UBE3B: variants seen among roughly 807,000 people sequenced by gnomAD.
The protein encoded by UBE3B is ubiquitin-protein ligase E3B.
Under a neutral mutation model 132.3 loss-of-function variants are expected in UBE3B, and 80 were observed. The observed-to-expected ratio is 0.60, with a 90% CI of 0.50 to 0.73. The LOEUF (loss-of-function observed/expected upper bound fraction) is 0.73. Ranked by LOEUF, UBE3B falls within the 30% of genes least tolerant of loss-of-function variation. The pLI is 0.00. For missense variants in UBE3B, 1,196 were observed against 1,362.5 expected (o/e 0.88, Z 1.92); for synonymous variants, 487 against 520.4 (o/e 0.94, Z 0.87).
rs188880545 is a variant in UBE3B, at chr12:109,524,378, A to G, written c.2503-60A>G. 16 of 1,598,164 alleles carry G rather than the reference A, an allele frequency of 1.0e-5. No individual in the cohort carries two copies. In the Admixed American group the frequency reaches 2.7e-4, roughly 27 times the overall value. On this transcript the variant is annotated intron_variant, in intron 22 of 27. Coordinates refer to ENST00000342494, the MANE Select transcript of UBE3B (RefSeq NM_130466.4). ...AAAGCAGCGCCTCAAGGGAGGGTTA[A>G]ACCTCTTAAGCACATAGTGCTCCAT...
intron 16 of UBE3B, among the ~76,000 whole-genome samples, chr12:109,509,961 T>A (rs1880151356): frequency 1.3e-5 from 2 of 152,234 alleles, no homozygotes; most frequent in Non-Finnish European, 2.9e-5. Context: ...GGATTATTAA[T>A]GATGATTAAT....
In UBE3B at chr12:109,521,017, A is replaced by G. The variant is rs1881643492; in HGVS notation, c.2077-131A>G. The G allele has an allele frequency of 2.0e-6, 2 of 996,600 alleles. No homozygotes were observed. The highest frequency in any genetic ancestry group is 1.7e-5 in the South Asian group (1 of 59,616). 61.7% of individuals were successfully genotyped at this position (996,600 alleles called of 1,614,324 possible). A position where few individuals can be genotyped will look rare whatever the true frequency, so the allele number is the denominator to read the frequency against. On this transcript the variant is annotated intron_variant, in intron 19 of 27. Coordinates refer to ENST00000342494, the MANE Select transcript of UBE3B (RefSeq NM_130466.4). This position sits in a 1 kb window ranked among gnomAD's most constrained non-coding sequence, Gnocchi z 4.2. The stretch of plus-strand genomic sequence containing the variant: ...AAAGCAGGTGAGAACGGCTCCTGTC[A>G]TGCATCCACGTTTCATAATTTGCAC...
intron 6 of UBE3B, 140 bp downstream of exon 6, chr12:109,486,715 A>G (rs527458018): frequency 1.4e-6 from 1 of 718,974 alleles, no homozygotes; most frequent in East Asian, 2.7e-5. Flanking sequence ...GAAGAGAGGA[A>G]TTTTGATTCT....
At position 109,486,569 on chromosome 12, in the gene UBE3B, G is replaced by A. The variant is rs150249985; in HGVS notation, c.441G>A (p.Gln147=). 22 of 899,128 alleles carry A rather than the reference G, an allele frequency of 2.4e-5. No individual in the cohort carries two copies. In the African/African-American group the frequency reaches 2.9e-4, roughly 12 times the overall value. The allele number at this position is 899,128 out of a possible 1,614,324, so 55.7% of individuals were successfully genotyped here. A position where few individuals can be genotyped will look rare whatever the true frequency, so the allele number is the denominator to read the frequency against. ...ILWYCCDFLK[Q]LKPEILQDSR... ...GGTACTGCTGTGATTTTCTCAAGCA[G>A]CTCAAGGTAACAAAAAAAAAAAAAA... is the stretch of plus-strand genomic sequence containing the variant. The change falls in exon 6 of 28, where the codon CAG becomes CAA. Residue 147 remains glutamine (Q), a synonymous_variant. Transcript: ENST00000342494.
rs61744923 is a variant in UBE3B at position 109,530,644 on chromosome 12, G to T, written c.2908G>T (p.Ala970Ser). ...LASDFTPDER[A>S]MFLKFVTSCS... ...CTCCGACTTCACACCGGATGAGAGA[G>T]CTATGTTTCTGAAGGTATTTTATTT... The change falls in exon 26 of 28, where the codon GCT (alanine) becomes TCT (serine). Residue 970 changes from alanine (A) to serine (S), a missense_variant. By Grantham distance (99) the Ala-to-Ser change is moderately conservative (BLOSUM62 1). Coordinates refer to ENST00000342494, the MANE Select transcript of UBE3B (RefSeq NM_130466.4). 4.8e-4 allele frequency: 782 copies of T among 1,614,034 alleles called. 4 individuals are homozygous for T. The highest frequency in any genetic ancestry group is 1.0e-4 in the Non-Finnish European group (119 of 1,180,008).
chr12:109,490,901 C>A, intron 8 of UBE3B, 144 bp from the exon 9 acceptor site: 1 of 1,072,454 alleles, frequency 9.3e-7, no homozygotes. Context: ...GCCTCCTGAG[C>A]TGGGACTGTA....
In UBE3B at chr12:109,510,406, T is replaced by C; in HGVS notation, c.1804T>C (p.Tyr602His). The C allele has an allele frequency of 6.2e-7, 1 of 1,613,234 alleles. No individual in the cohort carries two copies. Among genetic ancestry groups the C allele is most frequent in the Non-Finnish European group, 8.5e-7 (1 of 1,179,700 alleles). Reference protein sequence around the residue: ...QSVHGWLMVLYERDCRRRFTP... With the variant: ...QSVHGWLMVLHERDCRRRFTP... Reference sequence around the variant, plus strand: ...TGTCCACGGGTGGCTTATGGTGCTGTACGAGCGGGACTGCCGGCGGCGCTT... The same window carrying C: ...TGTCCACGGGTGGCTTATGGTGCTGCACGAGCGGGACTGCCGGCGGCGCTT... The change falls in exon 17 of 28, where the codon TAC (tyrosine) becomes CAC (histidine). Residue 602 changes from tyrosine (Y) to histidine (H), a missense_variant. By Grantham distance (83) the Tyr-to-His change is moderately conservative. Coordinates refer to ENST00000342494, the MANE Select transcript of UBE3B (RefSeq NM_130466.4).
Position 109,521,719 on chromosome 12 carries a change from G to C in UBE3B, c.2364+168G>C, listed in dbSNP as rs1881743096. On this transcript the variant is annotated intron_variant, in intron 21 of 27. Coordinates refer to ENST00000342494, the MANE Select transcript of UBE3B (RefSeq NM_130466.4). This position sits in a 1 kb window ranked among gnomAD's most constrained non-coding sequence, Gnocchi z 4.2. ...GTTGTACACCAGTGCTAGGTACTTTGCCTGTGGCATCTCATCTCATCCCAT... is the reference window on the plus strand; with the variant it reads ...GTTGTACACCAGTGCTAGGTACTTTCCCTGTGGCATCTCATCTCATCCCAT... 6.6e-6 allele frequency among the ~76,000 whole-genome samples: 1 copy of C among 152,226 alleles called. No homozygotes were observed. Among genetic ancestry groups the C allele is most frequent in the Non-Finnish European group, 1.5e-5 (1 of 68,042 alleles).
intron 18 of UBE3B, 125 bp downstream of exon 18, chr12:109,511,428 C>T (rs1880359623): frequency 1.1e-5 from 9 of 840,996 alleles, no homozygotes; most frequent in East Asian, 5.4e-5. Context: ...CACAAGGAAA[C>T]GGTGGTTGCT....
chr12:109,503,996 G>A (rs1879332150), intron 14 of UBE3B, among the ~76,000 whole-genome samples: 1 of 152,224 alleles, frequency 6.6e-6, no homozygotes, highest in African/African-American at 2.4e-5. Context: ...GTGAAAGAGA[G>A]AGCCAAGTTC....
In UBE3B at chr12:109,497,812, G is replaced by A. The variant is rs760370471; in HGVS notation, c.714-6G>A. 6.2e-7 allele frequency: 1 copy of A among 1,614,106 alleles called. No individual in the cohort carries two copies. The highest frequency in any genetic ancestry group is 1.7e-5 in the Admixed American group (1 of 60,020). ...TGTCTGAATGAGTGGATCTATCTGT[G>A]TCTAGCCCTGTGATTGCTGCACAGT... On this transcript the variant is annotated splice_polypyrimidine_tract_variant and splice_region_variant and intron_variant, in intron 9 of 27. Coordinates refer to ENST00000342494, the MANE Select transcript of UBE3B (RefSeq NM_130466.4).
intron 18 of UBE3B, among the ~76,000 whole-genome samples, chr12:109,515,602 C>G (rs1357353541): frequency 6.6e-6 from 1 of 152,132 alleles, no homozygotes; most frequent in Non-Finnish European, 1.5e-5. Context: ...CTCCCGACCT[C>G]AGGTGATCCA....
chr12:109,521,414 G>A lies in UBE3B; in HGVS notation c.2254-27G>A. ...GCTCCTTGCAAGGCACTTGACCTCTGCCTCTCCCCGTCTTTTTGCCTTGCA... is the reference window on the plus strand; with the variant it reads ...GCTCCTTGCAAGGCACTTGACCTCTACCTCTCCCCGTCTTTTTGCCTTGCA... On this transcript the variant is annotated intron_variant, in intron 20 of 27. Transcript: ENST00000342494. The surrounding 1 kb of genome is among the most constrained non-coding windows in gnomAD (Gnocchi z 4.2). 6.3e-7 allele frequency: 1 copy of A among 1,583,470 alleles called. No homozygotes were observed. The highest frequency in any genetic ancestry group is 8.6e-7 in the Non-Finnish European group (1 of 1,158,858).
intron 14 of UBE3B, among the ~76,000 whole-genome samples, chr12:109,504,773 T>C (rs562074019): frequency 1.3e-5 from 2 of 149,886 alleles, no homozygotes; most frequent in East Asian, 3.9e-4. Flanking sequence ...GCATCTTGAG[T>C]GAGAGGAGTT....
intron 14 of UBE3B, among the ~76,000 whole-genome samples, chr12:109,504,264 C>G (rs1879366058): frequency 6.6e-6 from 1 of 152,212 alleles, no homozygotes; most frequent in African/African-American, 2.4e-5. Flanking sequence ...TAGCACCTTC[C>G]CAACCAGCGT....
chr12:109,540,777 G>A (rs1447251808), downstream of UBE3B, among the ~76,000 whole-genome samples: 4 of 152,202 alleles, frequency 2.6e-5, no homozygotes, highest in African/African-American at 4.8e-5. Context: ...GCCTTATGCT[G>A]GGGAGGGACA....
At chr12:109,504,892 G>C (rs905632997) in intron 14 of UBE3B, among the ~76,000 whole-genome samples, 1 of 150,858 alleles carries the variant, frequency 6.6e-6, no homozygotes, top group South Asian at 2.1e-4. Flanking sequence ...TGCAGGCTCC[G>C]CCTCCCAGGT....
intron 7 of UBE3B, 122 bp downstream of exon 7, chr12:109,488,790 A>T: frequency 1.2e-6 from 1 of 823,248 alleles, no homozygotes; most frequent in Non-Finnish European, 2.1e-6. Flanking sequence ...GAGACCATAC[A>T]AATGAGGATG....
intron 14 of UBE3B, among the ~76,000 whole-genome samples, chr12:109,505,473 C>A (rs939867005): frequency 6.6e-6 from 1 of 152,150 alleles, no homozygotes; most frequent in African/African-American, 2.4e-5. Context: ...TTCTTTTATC[C>A]CATAGGAGTA....
Sources: allele counts gnomAD v4.1 joint callset (sites outside exome capture counted in the v4.1 genomes callset), GRCh38; gene constraint gnomAD v4.1.1; non-coding constraint Gnocchi (gnomAD v3.1); transcripts MANE v1.5; gene names NCBI Gene and HGNC (gene_info 2026-07-23, HGNC 2026-07-21).